Variants in JAKMIP3 observed in about 807,000 individuals in gnomAD.
JAKMIP3 encodes Janus kinase and microtubule interacting protein 3.
JAKMIP3 carries 58 observed loss-of-function variants against 118.5 expected under a neutral mutation model. That is an observed-to-expected ratio of 0.49 (90% CI 0.40 to 0.61). JAKMIP3 has a LOEUF of 0.61. Among genes scored for constraint, JAKMIP3 ranks in the 20% least tolerant of loss-of-function variants. JAKMIP3 has a pLI of 0.00. For missense variants in JAKMIP3, 950 were observed against 1,109.0 expected (o/e 0.86, Z 2.04); for synonymous variants, 486 against 451.2 (o/e 1.08, Z -0.98).
At chr10:132,038,168 G>A (rs2037578060) in intron 1 of JAKMIP3, among the ~76,000 whole-genome samples, 1 of 152,200 alleles carries the variant, frequency 6.6e-6, no homozygotes, top group Admixed American at 6.5e-5. Flanking sequence ...ACATGATTCT[G>A]GCTTTTATTG....
rs776590770 is a variant in JAKMIP3, at chr10:132,135,031, T to C, written c.850-10T>C. 6.2e-7 allele frequency: 1 copy of C among 1,611,968 alleles called. No individual in the cohort carries two copies. Among genetic ancestry groups the C allele is most frequent in the Admixed American group, 1.7e-5 (1 of 60,008 alleles). On this transcript the variant is annotated splice_polypyrimidine_tract_variant and intron_variant, in intron 4 of 23. Coordinates refer to ENST00000684848, the MANE Select transcript of JAKMIP3 (RefSeq NM_001323087.2). ...TAGGAACCGTTATTTGCAGTTGATT[T>C]TTGTTTTAGGAACAGCAGTTGGATG...
intron 1 of JAKMIP3, among the ~76,000 whole-genome samples, chr10:132,059,043 T>C (rs2038322625): frequency 6.6e-6 from 1 of 152,230 alleles, no homozygotes; most frequent in Non-Finnish European, 1.5e-5. Context: ...GATGCCCGGC[T>C]TGTGTCTGTC....
At chr10:132,149,229 T>A (rs931844108) in intron 14 of JAKMIP3, among the ~76,000 whole-genome samples, 183 bp from the exon 15 acceptor site, 1 of 152,056 alleles carries the variant, frequency 6.6e-6, no homozygotes. Context: ...GCAGTCCTTG[T>A]GGGCAGGTCC....
At chr10:132,098,004 C>CTT (rs1199956471) in intron 1 of JAKMIP3, among the ~76,000 whole-genome samples, 4 of 49,188 alleles carry the variant, frequency 8.1e-5, no homozygotes, top group African/African-American at 6.7e-5. Flanking sequence ...TCCCCTTCCC[C>CTT]TCCTTCCTTT....
intron 1 of JAKMIP3, among the ~76,000 whole-genome samples, chr10:132,099,813 G>A (rs1003528732): frequency 1.3e-5 from 2 of 152,174 alleles, no homozygotes; most frequent in African/African-American, 4.8e-5. Context: ...TGTCACGGAC[G>A]GCACGTTCCT....
At chr10:132,121,354 C>T (rs1241638885) in intron 3 of JAKMIP3, among the ~76,000 whole-genome samples, 1 of 152,190 alleles carries the variant, frequency 6.6e-6, no homozygotes, top group African/African-American at 2.4e-5. Flanking sequence ...CAACGAGAGA[C>T]AGCTACTATT....
intron 6 of JAKMIP3, 53 bp from the exon 7 acceptor site, chr10:132,136,966 C>T: frequency 6.3e-7 from 1 of 1,584,648 alleles, no homozygotes; most frequent in Non-Finnish European, 8.6e-7. Context: ...CCACTGTGTT[C>T]AGCCAGACCC....
At chr10:132,122,861 T>C (rs2048792246) in intron 3 of JAKMIP3, among the ~76,000 whole-genome samples, 1 of 152,210 alleles carries the variant, frequency 6.6e-6, no homozygotes, top group African/African-American at 2.4e-5. Flanking sequence ...TGGGTGGCAC[T>C]GGGGTTAGAG....
intron 10 of JAKMIP3, 34 bp from the exon 11 acceptor site, chr10:132,141,886 T>A: frequency 3.2e-6 from 5 of 1,578,534 alleles, no homozygotes; most frequent in Non-Finnish European, 4.3e-6. Context: ...TGACACTGTG[T>A]CTCTGTGCGT....
chr10:132,139,307 A>AGTGT (rs780192513), intron 9 of JAKMIP3, among the ~76,000 whole-genome samples: 2 of 44,856 alleles, frequency 4.5e-5, no homozygotes, highest in African/African-American at 2.7e-4. Context: ...TATGTGTGTG[A>AGTGT]GTGTGTATGT....
intron 19 of JAKMIP3, among the ~76,000 whole-genome samples, chr10:132,162,171 C>G (rs760109973): frequency 2.0e-5 from 3 of 152,166 alleles, no homozygotes; most frequent in Admixed American, 6.5e-5. Context: ...CTGGTTCCTC[C>G]TGGGGCAGTG....
At chr10:132,083,779 T>TA (rs956742419) in intron 1 of JAKMIP3, among the ~76,000 whole-genome samples, 17 of 152,306 alleles carry the variant, frequency 1.1e-4, no homozygotes, top group African/African-American at 3.6e-4. Context: ...CACCATTTGT[T>TA]AAAAGGGTGT....
At chr10:132,103,764 C>T (rs2045477187) in intron 1 of JAKMIP3, among the ~76,000 whole-genome samples, 1 of 152,018 alleles carries the variant, frequency 6.6e-6, no homozygotes, top group Non-Finnish European at 1.5e-5. Flanking sequence ...AGGAGGCAAG[C>T]AGTGGGCGAG....
At chr10:132,145,086 A>G (rs1328480989) in intron 11 of JAKMIP3, 21 bp from the exon 12 acceptor site, 1 of 1,605,040 alleles carries the variant, frequency 6.2e-7, no homozygotes, top group Non-Finnish European at 8.5e-7. Context: ...AATTTGATGT[A>G]TCTTTCCTCC....
chr10:132,107,930 C>G (rs1211083766), intron 2 of JAKMIP3, among the ~76,000 whole-genome samples: 3 of 152,208 alleles, frequency 2.0e-5, no homozygotes, highest in Non-Finnish European at 4.4e-5. Flanking sequence ...GGTGACGTCC[C>G]CAGGGCCCAT....
chr10:132,129,892 T>A (rs61864407), intron 3 of JAKMIP3, among the ~76,000 whole-genome samples: 1 of 145,100 alleles, frequency 6.9e-6, no homozygotes, highest in Non-Finnish European at 1.5e-5. Flanking sequence ...TTTTTTTTTT[T>A]CCTTCAGAAA....
chr10:132,112,889 T>C lies in JAKMIP3; in HGVS notation c.136-4188T>C, dbSNP rs944396474. 6.6e-6 allele frequency among the ~76,000 whole-genome samples: 1 copy of C among 152,166 alleles called. No individual in the cohort carries two copies. Among genetic ancestry groups the C allele is most frequent in the Non-Finnish European group, 1.5e-5 (1 of 68,032 alleles). On this transcript the variant is annotated intron_variant, in intron 2 of 23. Coordinates refer to ENST00000684848, the MANE Select transcript of JAKMIP3 (RefSeq NM_001323087.2). The surrounding 1 kb of genome is among the most constrained non-coding windows in gnomAD (Gnocchi z 4.3). ...TCTCTCGCTCCCTCTGTCTTTCCCT[T>C]CTGCCCCCTTTGGCTGCTCCATTCT... is the stretch of plus-strand genomic sequence containing the variant.
At chr10:132,064,047 G>A (rs962221176), upstream of JAKMIP3, among the ~76,000 whole-genome samples, 5 of 152,122 alleles carry the variant, frequency 3.3e-5, no homozygotes, top group East Asian at 1.9e-4. This position sits in a 1 kb window ranked among gnomAD's most constrained non-coding sequence, Gnocchi z 4.4. Context: ...GGTTGTTTAC[G>A]TCTTTCTGTT....
chr10:132,103,772 G>A (rs913569370), intron 1 of JAKMIP3, among the ~76,000 whole-genome samples: 5 of 152,040 alleles, frequency 3.3e-5, no homozygotes, highest in Non-Finnish European at 5.9e-5. Context: ...AGCAGTGGGC[G>A]AGGGAGGGAA....
Sources: gnomAD v4.1 joint callset for allele counts (sites outside exome capture counted in the v4.1 genomes callset) on GRCh38, gnomAD v4.1.1 for gene constraint, Gnocchi (gnomAD v3.1) non-coding constraint, MANE v1.5 for transcripts, NCBI Gene and HGNC (gene_info 2026-07-23, HGNC 2026-07-21) for gene names.